SDK1: variants seen among roughly 807,000 people sequenced by gnomAD.
The protein encoded by SDK1 is sidekick cell adhesion molecule 1.
Under a neutral mutation model 245.5 loss-of-function variants are expected in SDK1, and 157 were observed. The observed-to-expected ratio is 0.64, with a 90% CI of 0.56 to 0.73. The LOEUF (loss-of-function observed/expected upper bound fraction) is 0.73, where lower values mean the gene tolerates loss of function less well. SDK1 is among the 30% of genes least tolerant of loss of function. The pLI, the probability that SDK1 is intolerant of heterozygous loss-of-function variation, is 0.00. For synonymous variants in SDK1, 1,647 were observed against 1,278.5 expected (o/e 1.29, Z -6.15); for missense variants, 3,583 against 3,002.3 (o/e 1.19, Z -4.52).
At chr7:3,496,779 A>C (rs759851325) in intron 1 of SDK1, among the ~76,000 whole-genome samples, 3 of 152,146 alleles carry the variant, frequency 2.0e-5, no homozygotes, top group African/African-American at 4.8e-5. Flanking sequence ...TGGTTAATCA[A>C]TTTAGTCTAG....
At chr7:4,099,271 G>A (rs1249051621) in intron 22 of SDK1, among the ~76,000 whole-genome samples, 1 of 151,310 alleles carries the variant, frequency 6.6e-6, no homozygotes, top group African/African-American at 2.4e-5. Flanking sequence ...CAGATCGAGA[G>A]ACAAATGGCA....
At chr7:3,915,810 C>T (rs1190936313) in intron 5 of SDK1, among the ~76,000 whole-genome samples, 2 of 152,194 alleles carry the variant, frequency 1.3e-5, no homozygotes, top group Non-Finnish European at 2.9e-5. Context: ...TAGCCACCTT[C>T]CACCCAGACC....
intron 1 of SDK1, among the ~76,000 whole-genome samples, chr7:3,336,505 T>A (rs905295999): frequency 1.3e-5 from 2 of 152,136 alleles, no homozygotes; most frequent in Non-Finnish European, 2.9e-5. Context: ...ACACTTGACC[T>A]CTTCCATCCC....
intron 1 of SDK1, among the ~76,000 whole-genome samples, chr7:3,609,750 G>A (rs1031298793): frequency 1.5e-5 from 2 of 134,422 alleles, no homozygotes; most frequent in East Asian, 4.6e-4. Context: ...ACCCAGGCTA[G>A]AGTGCAGTGG....
At position 4,145,932 on chromosome 7, in the gene SDK1, A is replaced by T; in HGVS notation, c.4423+16A>T. 1 of 1,579,566 alleles carries T rather than the reference A, an allele frequency of 6.3e-7. No individual in the cohort carries two copies. Among genetic ancestry groups the T allele is most frequent in the Non-Finnish European group, 8.6e-7 (1 of 1,163,204 alleles). On this transcript the variant is annotated intron_variant, in intron 29 of 44. Transcript: ENST00000404826. The stretch of plus-strand genomic sequence containing the variant: ...GAGAAGAGAGGTAAGACCTTGGGGG[A>T]CCCGGGGGTACTGCAGATGTTGTGG...
chr7:3,391,969 AT>A (rs1289992008), intron 1 of SDK1, among the ~76,000 whole-genome samples: 1 of 13,550 alleles, frequency 7.4e-5, no homozygotes, highest in African/African-American at 3.5e-4. Flanking sequence ...ATCATGTAAT[AT>A]ATATATATAT....
intron 1 of SDK1, among the ~76,000 whole-genome samples, chr7:3,557,042 C>T (rs1779610898): frequency 6.6e-6 from 1 of 150,716 alleles, no homozygotes; most frequent in Non-Finnish European, 1.5e-5. Context: ...GTTAATACCT[C>T]AAGAAATTAG....
At chr7:4,051,181 C>A (rs1406996662) in intron 18 of SDK1, among the ~76,000 whole-genome samples, 5 of 133,418 alleles carry the variant, frequency 3.7e-5, no homozygotes, top group African/African-American at 1.1e-4. Flanking sequence ...ATATATTATA[C>A]ATTATATATG....
intron 1 of SDK1, among the ~76,000 whole-genome samples, chr7:3,479,951 C>G (rs1039842431): frequency 3.3e-5 from 5 of 151,740 alleles, no homozygotes; most frequent in East Asian, 1.9e-4. Flanking sequence ...TGCTTTGAAG[C>G]TATGTTATTA....
intron 4 of SDK1, among the ~76,000 whole-genome samples, chr7:3,757,704 C>T (rs891919953): frequency 6.6e-6 from 1 of 152,166 alleles, no homozygotes. Context: ...GTCCAACACC[C>T]CGGAGGCTCT....
intron 5 of SDK1, among the ~76,000 whole-genome samples, chr7:3,869,383 T>A (rs1780903418): frequency 6.6e-6 from 1 of 152,124 alleles, no homozygotes; most frequent in Non-Finnish European, 1.5e-5. Context: ...CTCAAACTCC[T>A]GGCCTCAGGT....
chr7:4,169,915 G>T (rs1339397767), intron 32 of SDK1, among the ~76,000 whole-genome samples: 2 of 152,034 alleles, frequency 1.3e-5, no homozygotes, highest in African/African-American at 4.8e-5. Flanking sequence ...AGGGTCAGCA[G>T]AATGACCATG....
At chr7:3,565,679 A>T (rs1779890777) in intron 1 of SDK1, among the ~76,000 whole-genome samples, 1 of 152,162 alleles carries the variant, frequency 6.6e-6, no homozygotes, top group South Asian at 2.1e-4. Context: ...CTGACTTAAA[A>T]CAGCTTAGTA....
intron 32 of SDK1, among the ~76,000 whole-genome samples, chr7:4,168,128 C>T (rs1054175560): frequency 6.6e-6 from 1 of 152,170 alleles, no homozygotes; most frequent in Non-Finnish European, 1.5e-5. Context: ...TTGTAAGTGA[C>T]GCTCCCACTG....
chr7:3,806,252 C>T (rs1779240636), intron 4 of SDK1, among the ~76,000 whole-genome samples: 1 of 152,182 alleles, frequency 6.6e-6, no homozygotes, highest in Admixed American at 6.5e-5. Context: ...TCTGCAAAGT[C>T]CCTTTCCCAT....
intron 1 of SDK1, among the ~76,000 whole-genome samples, chr7:3,464,710 A>ATATATATATG (rs1780938549): frequency 6.6e-6 from 1 of 151,552 alleles, no homozygotes; most frequent in African/African-American, 2.4e-5. Context: ...ATATATATAT[A>ATATATATATG]TATATACACA....
intron 28 of SDK1, among the ~76,000 whole-genome samples, chr7:4,141,486 C>T (rs577481457): frequency 3.9e-5 from 6 of 152,318 alleles, no homozygotes; most frequent in Admixed American, 2.6e-4. Context: ...TAACCATGCC[C>T]TGCTCCTGAA....
At chr7:4,061,631 G>T (rs1175347296) in intron 19 of SDK1, among the ~76,000 whole-genome samples, 1 of 151,920 alleles carries the variant, frequency 6.6e-6, no homozygotes, top group East Asian at 1.9e-4. Context: ...CCCATTACTG[G>T]GTATATACCC....
intron 12 of SDK1, among the ~76,000 whole-genome samples, chr7:3,973,318 T>G (rs766359937): frequency 3.3e-5 from 5 of 152,222 alleles, no homozygotes; most frequent in Admixed American, 6.5e-5. Flanking sequence ...ATGAAGTCTT[T>G]AAAGAACTGG....
Sources: allele counts gnomAD v4.1 joint callset (sites outside exome capture counted in the v4.1 genomes callset), GRCh38; gene constraint gnomAD v4.1.1; transcripts MANE v1.5; gene names NCBI Gene and HGNC (gene_info 2026-07-23, HGNC 2026-07-21).